The following NRXN1 variants were observed in gnomAD, a reference collection of about 807,000 sequenced individuals.
The protein encoded by NRXN1 is neurexin 1.
Under a neutral mutation model 150.9 loss-of-function variants are expected in NRXN1, and 39 were observed. That is an observed-to-expected ratio of 0.26 (90% CI 0.20 to 0.34). NRXN1 has a LOEUF of 0.34. Ranked by LOEUF, NRXN1 falls within the 10% of genes least tolerant of loss-of-function variation. The pLI is 1.00. For synonymous variants in NRXN1, 924 were observed against 757.0 expected, an observed-to-expected ratio of 1.22 and a Z score of -3.62; for missense variants, 1,815 against 1,949.9, an observed-to-expected ratio of 0.93 and a Z score of 1.30.
At chr2:50,499,528 A>G (rs939564224) in intron 13 of NRXN1, among the ~76,000 whole-genome samples, 12 of 152,098 alleles carry the variant, frequency 7.9e-5, no homozygotes, top group Non-Finnish European at 1.6e-4. Flanking sequence ...TGACCTCAAT[A>G]TTGTTCTGTG....
At chr2:50,390,479 A>G (rs1291724064) in intron 17 of NRXN1, among the ~76,000 whole-genome samples, 3 of 152,174 alleles carry the variant, frequency 2.0e-5, no homozygotes, top group African/African-American at 7.2e-5. Flanking sequence ...CTTAATTTTT[A>G]AAATATCAAT....
At chr2:50,997,392 T>C (rs1458101901) in intron 2 of NRXN1, among the ~76,000 whole-genome samples, 1 of 150,660 alleles carries the variant, frequency 6.6e-6, no homozygotes, top group Non-Finnish European at 1.5e-5. Flanking sequence ...CAAAAAAAGA[T>C]ACTCTGCATA....
intron 18 of NRXN1, among the ~76,000 whole-genome samples, chr2:50,195,206 G>T (rs943052269): frequency 6.6e-6 from 1 of 152,144 alleles, no homozygotes; most frequent in Admixed American, 6.6e-5. Context: ...GAGAATGCAA[G>T]ATTTGAACCA....
In NRXN1 at chr2:50,826,161, C is replaced by G. The variant is rs75592079; in HGVS notation, c.832+95708G>C. ...GGACTGGGGGAAGGGAAAGAGGGGC[C>G]ACAGGTTGGTGGATTCTTTAATTAG... On this transcript the variant is annotated intron_variant, in intron 5 of 22. Coordinates refer to ENST00000401669, the MANE Select transcript of NRXN1 (RefSeq NM_001330078.2). Among the ~76,000 whole-genome samples, 1,178 of 152,046 alleles carry G rather than the reference C, an allele frequency of 7.7e-3. 28 individuals carry two copies. Among genetic ancestry groups the G allele is most frequent in the African/African-American group, 0.027 (1,115 of 41,490 alleles).
intron 5 of NRXN1, among the ~76,000 whole-genome samples, chr2:50,783,898 C>G (rs182905166): frequency 1.2e-4 from 19 of 152,022 alleles, no homozygotes; most frequent in Non-Finnish European, 2.5e-4. Context: ...CTCCTTATTC[C>G]TGACCCTGCG....
In NRXN1 at chr2:50,624,023, G is replaced by T. The variant is rs186087188; in HGVS notation, c.833-408C>A. 7.2e-3 allele frequency among the ~76,000 whole-genome samples: 1,091 copies of T among 152,120 alleles called. 16 individuals carry two copies. The highest frequency in any genetic ancestry group is 0.025 in the African/African-American group (1,017 of 41,504). On this transcript the variant is annotated intron_variant, in intron 5 of 22. Transcript: ENST00000401669. ...TTGTTCAATTCCCACCTATGAGTGA[G>T]AACATGTGGTGTTTGGTTTTTTGTC...
intron 17 of NRXN1, among the ~76,000 whole-genome samples, chr2:50,333,918 G>GA (rs2076992488): frequency 6.6e-6 from 1 of 152,036 alleles, no homozygotes. Flanking sequence ...TGTAAAAACA[G>GA]AAAGTCAACT....
At chr2:49,944,147 G>C (rs757211701) in intron 21 of NRXN1, among the ~76,000 whole-genome samples, 1 of 152,164 alleles carries the variant, frequency 6.6e-6, no homozygotes, top group Non-Finnish European at 1.5e-5. Context: ...TACAATGTAT[G>C]CATCAGTGGG....
At chr2:50,752,058 T>C (rs961804538) in intron 5 of NRXN1, among the ~76,000 whole-genome samples, 2 of 152,042 alleles carry the variant, frequency 1.3e-5, no homozygotes, top group African/African-American at 2.4e-5. Flanking sequence ...AAGGTGTTAT[T>C]TCACGTGCAG....
chr2:50,943,095 GCT>G (rs746976726), intron 2 of NRXN1, among the ~76,000 whole-genome samples: 34 of 149,656 alleles, frequency 2.3e-4, no homozygotes, highest in Non-Finnish European at 3.0e-4. Flanking sequence ...TCTCCTTTGT[GCT>G]CTCTCTCTCT....
chr2:50,861,384 C>T (rs1167674965), intron 5 of NRXN1, among the ~76,000 whole-genome samples: 2 of 151,980 alleles, frequency 1.3e-5, no homozygotes, highest in African/African-American at 4.8e-5. Flanking sequence ...AGCTGCCGTA[C>T]TTTATTTAGT....
chr2:50,996,023 G>T (rs192706558), intron 2 of NRXN1, among the ~76,000 whole-genome samples: 1 of 152,018 alleles, frequency 6.6e-6, no homozygotes, highest in African/African-American at 2.4e-5. Flanking sequence ...ATTATGGAGG[G>T]GAAAAGTCTT....
intron 8 of NRXN1, among the ~76,000 whole-genome samples, chr2:50,580,596 T>C (rs1672115480): frequency 6.6e-6 from 1 of 152,214 alleles, no homozygotes; most frequent in African/African-American, 2.4e-5. Flanking sequence ...GAGCTACGTA[T>C]GAACAAGAAA....
intron 5 of NRXN1, among the ~76,000 whole-genome samples, chr2:50,649,569 T>C (rs1214985320): frequency 6.6e-6 from 1 of 152,004 alleles, no homozygotes; most frequent in African/African-American, 2.4e-5. Context: ...CTTCTTATTG[T>C]CTGTTACCCC....
At chr2:50,398,133 C>T (rs1346132038) in intron 17 of NRXN1, among the ~76,000 whole-genome samples, 1 of 152,080 alleles carries the variant, frequency 6.6e-6, no homozygotes, top group East Asian at 1.9e-4. Context: ...TGTTTTTCCC[C>T]TTTTAAGTGG....
chr2:50,095,483 T>C (rs1278302610), intron 18 of NRXN1, among the ~76,000 whole-genome samples: 3 of 152,168 alleles, frequency 2.0e-5, no homozygotes, highest in African/African-American at 7.2e-5. Flanking sequence ...AAACTTATTA[T>C]GGAAGTAGGC....
At chr2:50,038,749 TCCTC>T (rs1254450133) in intron 21 of NRXN1, among the ~76,000 whole-genome samples, 51 of 143,586 alleles carry the variant, frequency 3.6e-4, no homozygotes, top group Admixed American at 2.2e-3. Context: ...CTCCCTCTCT[TCCTC>T]CCTCCCTCCC....
intron 21 of NRXN1, among the ~76,000 whole-genome samples, chr2:50,038,423 A>T (rs1233800621): frequency 6.6e-6 from 1 of 152,108 alleles, no homozygotes; most frequent in Admixed American, 6.6e-5. Context: ...TGTTGTGAGG[A>T]TCCCTGCACC....
chr2:50,170,986 G>C (rs558470914), intron 18 of NRXN1, among the ~76,000 whole-genome samples: 7 of 152,206 alleles, frequency 4.6e-5, no homozygotes, highest in African/African-American at 1.7e-4. Context: ...AGTATATACT[G>C]CATTCTTACA....
Sources: allele counts gnomAD v4.1 joint callset (sites outside exome capture counted in the v4.1 genomes callset), GRCh38; gene constraint gnomAD v4.1.1; transcripts MANE v1.5; gene names NCBI Gene and HGNC (gene_info 2026-07-23, HGNC 2026-07-21).